Variants in DGKB observed in about 807,000 individuals in gnomAD.
The protein encoded by DGKB is diacylglycerol kinase beta, also known as 90 kDa diacylglycerol kinase.
Under a neutral mutation model 114.3 loss-of-function variants are expected in DGKB, and 67 were observed. The observed-to-expected ratio is 0.59, with a 90% CI of 0.48 to 0.72. The LOEUF is 0.72. DGKB is among the 30% of genes least tolerant of loss of function. The pLI is 0.00. For synonymous variants in DGKB, 398 were observed against 323.1 expected, an observed-to-expected ratio of 1.23 and a Z score of -2.49; for missense variants, 907 against 975.2, an observed-to-expected ratio of 0.93 and a Z score of 0.93.
Position 14,700,354 on chromosome 7 carries a change from C to A in DGKB, c.516+1327G>T, listed in dbSNP as rs577145099. 2.0e-5 allele frequency among the ~76,000 whole-genome samples: 3 copies of A among 152,046 alleles called. No individual in the cohort carries two copies. In the South Asian group the frequency reaches 6.2e-4, roughly 32 times the overall value. On this transcript the variant is annotated intron_variant, in intron 7 of 25. Transcript: ENST00000402815. ...TCAGCCTCCCAAGTAGCTGGGATTA[C>A]AGGTGCCCACTACCACGCCTCGATA...
chr7:14,607,557 T>C (rs1288161177), intron 16 of DGKB, 49 bp from the exon 17 acceptor site: 1 of 785,900 alleles, frequency 1.3e-6, no homozygotes, highest in South Asian at 1.6e-5. Context: ...TTCAATACTT[T>C]TAAAATAAGT....
intron 1 of DGKB, among the ~76,000 whole-genome samples, chr7:14,973,575 C>T (rs1377991399): frequency 4.3e-5 from 6 of 138,720 alleles, no homozygotes; most frequent in South Asian, 2.3e-4. Context: ...TTAGTTAATA[C>T]ACTCAGAACA....
chr7:14,201,524 G>C (rs1176888515), intron 23 of DGKB, among the ~76,000 whole-genome samples: 2 of 151,974 alleles, frequency 1.3e-5, no homozygotes, highest in East Asian at 3.9e-4. Flanking sequence ...ACAGCATTAT[G>C]AATAGCCACC....
At chr7:14,219,559 C>T (rs115931262) in intron 23 of DGKB, among the ~76,000 whole-genome samples, 16 of 151,780 alleles carry the variant, frequency 1.1e-4, no homozygotes, top group South Asian at 8.3e-4. Context: ...CTCTTCTATA[C>T]GTATATATAC....
At chr7:14,811,794 G>GTA (rs1257925144) in intron 2 of DGKB, among the ~76,000 whole-genome samples, 2 of 128,804 alleles carry the variant, frequency 1.6e-5, no homozygotes, top group African/African-American at 3.2e-5. Context: ...ATATATATAT[G>GTA]TATATATACA....
At chr7:14,547,714 C>T (rs969690558) in intron 20 of DGKB, among the ~76,000 whole-genome samples, 5 of 151,984 alleles carry the variant, frequency 3.3e-5, no homozygotes, top group African/African-American at 1.2e-4. Flanking sequence ...AGCTGTGATA[C>T]ATTTTGCAAG....
chr7:14,626,230 G>A (rs906898084), intron 14 of DGKB, among the ~76,000 whole-genome samples: 1 of 152,140 alleles, frequency 6.6e-6, no homozygotes, highest in African/African-American at 2.4e-5. Context: ...CAAACTGCAA[G>A]CAGCAAGTGA....
At chr7:14,369,255 CT>C (rs748931594) in intron 21 of DGKB, among the ~76,000 whole-genome samples, 16 of 152,138 alleles carry the variant, frequency 1.1e-4, no homozygotes, top group Non-Finnish European at 2.1e-4. Context: ...TAAACTCATC[CT>C]TTTTCGTGGC....
intron 2 of DGKB, among the ~76,000 whole-genome samples, chr7:14,815,448 C>G (rs1005097573): frequency 6.6e-6 from 1 of 152,230 alleles, no homozygotes; most frequent in Admixed American, 6.5e-5. Context: ...ATGGGGAACT[C>G]ACACATCCTT....
chr7:14,252,916 C>G (rs931318006), intron 23 of DGKB, among the ~76,000 whole-genome samples: 23 of 152,326 alleles, frequency 1.5e-4, no homozygotes, highest in African/African-American at 5.5e-4. Flanking sequence ...AATGTTCTTT[C>G]TGCCCTCTTT....
chr7:14,321,531 G>C (rs1181713925), intron 23 of DGKB, among the ~76,000 whole-genome samples: 1 of 145,066 alleles, frequency 6.9e-6, no homozygotes, highest in African/African-American at 2.6e-5. Flanking sequence ...CCAATATCAA[G>C]AACAAGACAC....
At chr7:14,898,409 A>T (rs1160386517) in intron 1 of DGKB, among the ~76,000 whole-genome samples, 1 of 152,062 alleles carries the variant, frequency 6.6e-6, no homozygotes, top group East Asian at 1.9e-4. Flanking sequence ...ACCAGTTTGT[A>T]ACTGTGACAA....
chr7:14,690,847 G>C (rs1822719391), intron 9 of DGKB, among the ~76,000 whole-genome samples: 2 of 152,146 alleles, frequency 1.3e-5, no homozygotes, highest in Admixed American at 1.3e-4. Flanking sequence ...GAATTCTGAA[G>C]GAAGAATGAA....
rs925878648 is a variant in DGKB, at chr7:14,215,757, G to C, written c.2123-37606C>G. Among the ~76,000 whole-genome samples, 5 of 152,240 alleles carry C rather than the reference G, an allele frequency of 3.3e-5. No homozygotes were observed. The South Asian group carries it at 1.0e-3, about 32-fold the overall frequency. On this transcript the variant is annotated intron_variant, in intron 23 of 25. Transcript: ENST00000402815. The stretch of plus-strand genomic sequence containing the variant: ...AGCTCCAAGATAATAACAGTAACTA[G>C]AAGTGTAATTAGTAACCAGTGTTAT...
chr7:14,194,979 G>A (rs184640460), intron 23 of DGKB, among the ~76,000 whole-genome samples: 88 of 152,172 alleles, frequency 5.8e-4, no homozygotes, highest in African/African-American at 2.0e-3. Context: ...CCACAGGAAC[G>A]CAACCAAATA....
chr7:14,761,011 C>T (rs537236185), intron 2 of DGKB, among the ~76,000 whole-genome samples: 13 of 152,262 alleles, frequency 8.5e-5, no homozygotes, highest in African/African-American at 2.6e-4. Context: ...TGGTCTGAGA[C>T]AATTTAAAGT....
chr7:14,779,479 T>G (rs1173684034), intron 2 of DGKB, among the ~76,000 whole-genome samples: 1 of 152,022 alleles, frequency 6.6e-6, no homozygotes, highest in Non-Finnish European at 1.5e-5. Context: ...GAGGCTGCAG[T>G]GAGGCAAGAT....
Position 14,169,176 on chromosome 7 carries a change from G to A in DGKB, c.2304+7663C>T, listed in dbSNP as rs987418309. Among the ~76,000 whole-genome samples, 16 of 149,292 alleles carry A rather than the reference G, an allele frequency of 1.1e-4. No individual in the cohort carries two copies. In the East Asian group the frequency reaches 2.0e-3, roughly 19 times the overall value. ...AGATCAAGACCACCCTGGCTAACAC[G>A]GTGAAACCCAGTCTCTACTAAAAAT... On this transcript the variant is annotated intron_variant, in intron 25 of 25. Coordinates refer to ENST00000402815, the MANE Select transcript of DGKB (RefSeq NM_001350709.2).
chr7:14,365,613 A>C (rs904398046), intron 21 of DGKB, among the ~76,000 whole-genome samples: 2 of 152,098 alleles, frequency 1.3e-5, no homozygotes, highest in Non-Finnish European at 2.9e-5. Flanking sequence ...ATATCAAAGC[A>C]AAGACCTGGT....
Sources: gnomAD v4.1 joint callset for allele counts (sites outside exome capture counted in the v4.1 genomes callset) on GRCh38, gnomAD v4.1.1 for gene constraint, MANE v1.5 for transcripts, NCBI Gene and HGNC (gene_info 2026-07-23, HGNC 2026-07-21) for gene names.